FGGY: variants seen among roughly 807,000 people sequenced by gnomAD.
FGGY encodes FGGY carbohydrate kinase domain containing.
FGGY carries 72 observed loss-of-function variants against 71.3 expected under a neutral mutation model. The observed-to-expected ratio is 1.01, with a 90% confidence interval of 0.84 to 1.23. FGGY has a LOEUF of 1.23. Among genes scored for constraint, FGGY ranks in the 50% most tolerant of loss-of-function variants. The pLI is 0.00. For synonymous variants in FGGY, 251 were observed against 250.3 expected (o/e 1.00, Z -0.02); for missense variants, 668 against 682.3 (o/e 0.98, Z 0.23).
chr1:59,611,774 C>G (rs1424382456), intron 9 of FGGY, among the ~76,000 whole-genome samples: 1 of 152,134 alleles, frequency 6.6e-6, no homozygotes, highest in Admixed American at 6.5e-5. Flanking sequence ...GAATGTCTAA[C>G]TAGAATAACC....
intron 14 of FGGY, among the ~76,000 whole-genome samples, chr1:59,717,514 G>A (rs1013736480): frequency 2.0e-5 from 3 of 152,124 alleles, no homozygotes; most frequent in South Asian, 2.1e-4. Context: ...GGAGGAAATC[G>A]TGTGAACCCA....
intron 8 of FGGY, among the ~76,000 whole-genome samples, chr1:59,592,163 A>C (rs1263249598): frequency 1.3e-5 from 2 of 152,232 alleles, no homozygotes; most frequent in Non-Finnish European, 2.9e-5. Context: ...ACATTTATGC[A>C]GCAAAAAAAC....
intron 13 of FGGY, among the ~76,000 whole-genome samples, chr1:59,668,714 G>T (rs1358182600): frequency 6.6e-6 from 1 of 152,158 alleles, no homozygotes; most frequent in South Asian, 2.1e-4. Context: ...CGGGCACGGT[G>T]GCTCACGCCT....
rs565691419 is a variant in FGGY at position 59,700,806 on chromosome 1, A to C, written c.1512+26673A>C. Among the ~76,000 whole-genome samples, 108 of 152,306 alleles carry C rather than the reference A, an allele frequency of 7.1e-4. 1 individual carries two copies. Among genetic ancestry groups the C allele is most frequent in the African/African-American group, 2.5e-3 (104 of 41,562 alleles). On this transcript the variant is annotated intron_variant, in intron 14 of 15. Coordinates refer to ENST00000303721, the MANE Select transcript of FGGY (RefSeq NM_018291.5). ...TCAGGGAGCAAAAATGGAATGACAG[A>C]CTGGGTGTGAAGGGCTGGCTTTGTG...
At chr1:59,462,095 C>G (rs535208159) in intron 6 of FGGY, among the ~76,000 whole-genome samples, 1 of 151,480 alleles carries the variant, frequency 6.6e-6, no homozygotes, top group South Asian at 2.1e-4. Flanking sequence ...TTTGTCCTTG[C>G]GATAGTTTAC....
rs911182752 is a variant in FGGY at position 59,589,645 on chromosome 1, G to T, written c.904-18158G>T. ...AGGATTCAGAAACTCACTCAAAACC[G>T]CTCAACTACATGGAAACTGAACAAC... On this transcript the variant is annotated intron_variant, in intron 8 of 15. Coordinates refer to ENST00000303721, the MANE Select transcript of FGGY (RefSeq NM_018291.5). 2.0e-5 allele frequency among the ~76,000 whole-genome samples: 3 copies of T among 152,142 alleles called. No individual in the cohort carries two copies. In the South Asian group the frequency reaches 6.2e-4, roughly 32 times the overall value.
intron 7 of FGGY, among the ~76,000 whole-genome samples, chr1:59,537,951 T>A (rs1453989127): frequency 1.3e-5 from 2 of 152,122 alleles, no homozygotes; most frequent in East Asian, 3.9e-4. Flanking sequence ...GGACTTCATG[T>A]CTAAAACACC....
intron 15 of FGGY, among the ~76,000 whole-genome samples, chr1:59,758,976 G>A (rs1173741835): frequency 1.3e-5 from 2 of 152,114 alleles, no homozygotes; most frequent in African/African-American, 4.8e-5. Flanking sequence ...TCCAGTACAG[G>A]GGGCTCAGGG....
chr1:59,359,652 G>T (rs1279550331), intron 4 of FGGY, among the ~76,000 whole-genome samples: 3 of 152,168 alleles, frequency 2.0e-5, no homozygotes, highest in Non-Finnish European at 4.4e-5. Flanking sequence ...GGCCACTCTG[G>T]ATTCCTATAA....
At chr1:59,463,332 G>A (rs1307532017) in intron 6 of FGGY, among the ~76,000 whole-genome samples, 1 of 152,140 alleles carries the variant, frequency 6.6e-6, no homozygotes, top group Non-Finnish European at 1.5e-5. Context: ...GTCACCACCA[G>A]GCCTGCCTTA....
At chr1:59,614,181 C>A (rs180724148) in intron 9 of FGGY, among the ~76,000 whole-genome samples, 1 of 152,134 alleles carries the variant, frequency 6.6e-6, no homozygotes, top group South Asian at 2.1e-4. Flanking sequence ...CAAAGCCTGG[C>A]AGAGACACAA....
At chr1:59,718,329 G>A (rs1276658297) in intron 14 of FGGY, among the ~76,000 whole-genome samples, 1 of 152,104 alleles carries the variant, frequency 6.6e-6, no homozygotes, top group Non-Finnish European at 1.5e-5. Flanking sequence ...ATAGATATAA[G>A]GCTTCTCTGA....
intron 9 of FGGY, among the ~76,000 whole-genome samples, chr1:59,620,512 A>G (rs573083321): frequency 2.0e-5 from 3 of 152,160 alleles, no homozygotes; most frequent in African/African-American, 7.2e-5. Flanking sequence ...GATACTTTAT[A>G]TAAAGATAAA....
intron 14 of FGGY, among the ~76,000 whole-genome samples, chr1:59,734,908 C>T (rs2098086794): frequency 6.6e-6 from 1 of 152,206 alleles, no homozygotes; most frequent in Non-Finnish European, 1.5e-5. Flanking sequence ...TCTGTCCTTG[C>T]CTCTAATGTG....
At chr1:59,591,197 A>G (rs1323074222) in intron 8 of FGGY, among the ~76,000 whole-genome samples, 1 of 152,222 alleles carries the variant, frequency 6.6e-6, no homozygotes, top group Admixed American at 6.5e-5. Context: ...CAATTGCTTC[A>G]AAAAGAATAA....
intron 4 of FGGY, among the ~76,000 whole-genome samples, chr1:59,378,013 G>A (rs1335690772): frequency 6.6e-6 from 1 of 152,128 alleles, no homozygotes; most frequent in Non-Finnish European, 1.5e-5. Flanking sequence ...GGCATGTGGA[G>A]AATTTTATAT....
intron 14 of FGGY, among the ~76,000 whole-genome samples, chr1:59,756,567 A>T (rs992763293): frequency 6.6e-6 from 1 of 152,222 alleles, no homozygotes; most frequent in African/African-American, 2.4e-5. Context: ...TGAAAGGCCC[A>T]TGCAATCTTC....
intron 5 of FGGY, among the ~76,000 whole-genome samples, chr1:59,454,918 G>A (rs1233664098): frequency 1.3e-5 from 2 of 152,198 alleles, no homozygotes; most frequent in African/African-American, 2.4e-5. Context: ...ATGAATCTAT[G>A]TGAGTGACTG....
At chr1:59,491,421 A>G (rs116605826) in intron 6 of FGGY, among the ~76,000 whole-genome samples, 1,634 of 151,534 alleles carry the variant, frequency 0.011, 11 homozygotes, top group Middle Eastern at 0.065. Flanking sequence ...CCTTGTAGAG[A>G]TCTTTACTAC....
Sources: gnomAD v4.1 joint callset for allele counts (sites outside exome capture counted in the v4.1 genomes callset) on GRCh38, gnomAD v4.1.1 for gene constraint, MANE v1.5 for transcripts, NCBI Gene and HGNC (gene_info 2026-07-23, HGNC 2026-07-21) for gene names.